LEPR: variants seen among roughly 807,000 people sequenced by gnomAD.
The protein encoded by LEPR is OB receptor.
LEPR carries 56 observed loss-of-function variants against 114.7 expected under a neutral mutation model. The observed-to-expected ratio is 0.49, with a 90% CI of 0.39 to 0.61. The LOEUF is 0.61. Ranked by LOEUF, LEPR falls within the 20% of genes least tolerant of loss-of-function variation. The pLI is 0.00. For synonymous variants in LEPR, 443 were observed against 461.4 expected, an observed-to-expected ratio of 0.96 and a Z score of 0.51; for missense variants, 1,202 against 1,352.9, an observed-to-expected ratio of 0.89 and a Z score of 1.75.
chr1:65,548,064 T>G (rs1403024072), intron 2 of LEPR, among the ~76,000 whole-genome samples: 1 of 152,102 alleles, frequency 6.6e-6, no homozygotes, highest in Non-Finnish European at 1.5e-5. Flanking sequence ...TTTCGTTATG[T>G]ACCCAGTAGT....
intron 2 of LEPR, among the ~76,000 whole-genome samples, chr1:65,491,436 A>G (rs773632351): frequency 5.9e-5 from 9 of 152,096 alleles, no homozygotes; most frequent in Non-Finnish European, 2.9e-5. Flanking sequence ...CTGAACAAGA[A>G]ATGAGATTTC....
intron 19 of LEPR, chr1:65,630,422 AG>A (rs144928941): frequency 0.21 from 29,959 of 142,638 alleles, 4,448 homozygotes; most frequent in East Asian, 0.78. Context: ...AAAAAAAAAA[AG>A]AAAGAAAAAA....
At position 65,570,539 on chromosome 1, in the gene LEPR, C is replaced by A. The variant is rs772735713; in HGVS notation, c.107C>A (p.Ser36Tyr). Residue 36 changes from serine to tyrosine, a missense_variant, in exon 4 of 20, where the codon TCT (serine) becomes TAT (tyrosine). Coordinates refer to ENST00000349533, the MANE Select transcript of LEPR (RefSeq NM_002303.6). ...YPITPWRFKL[S>Y]CMPPNSTYDY... ...ATTACTCCTTGGAGATTTAAGTTGT[C>A]TTGCATGCCACCAAATTCAACCTAT... 1.9e-6 allele frequency: 3 copies of A among 1,613,936 alleles called. No individual in the cohort carries two copies. Among genetic ancestry groups the A allele is most frequent in the Non-Finnish European group, 2.5e-6 (3 of 1,179,936 alleles).
At chr1:65,432,673 A>ATTGG in intron 2 of LEPR, 1 of 981,018 alleles carries the variant, frequency 1.0e-6, no homozygotes, top group Non-Finnish European at 1.2e-6. Flanking sequence ...TGTTCTCAGA[A>ATTGG]TTGGGAGACA....
chr1:65,620,508 C>CA (rs1381296560), intron 17 of LEPR, among the ~76,000 whole-genome samples: 11 of 151,844 alleles, frequency 7.2e-5, no homozygotes, highest in African/African-American at 9.7e-5. Flanking sequence ...GAGTGATGGG[C>CA]AAAAAATAAT....
At chr1:65,552,000 A>G (rs1652414145) in intron 2 of LEPR, among the ~76,000 whole-genome samples, 1 of 152,144 alleles carries the variant, frequency 6.6e-6, no homozygotes, top group Non-Finnish European at 1.5e-5. Context: ...TTCAGTTTCC[A>G]TGCAGTTGTG....
intron 5 of LEPR, 130 bp downstream of exon 5, chr1:65,572,579 G>C: frequency 1.0e-6 from 1 of 978,938 alleles, no homozygotes; most frequent in Non-Finnish European, 1.5e-6. Flanking sequence ...TTTTAATATA[G>C]CATTCTGCTC....
chr1:65,637,166 A>T lies in LEPR; in HGVS notation c.*151A>T, dbSNP rs1356379719. On this transcript the variant is annotated 3_prime_UTR_variant, in exon 20 of 20. Coordinates refer to ENST00000349533, the MANE Select transcript of LEPR (RefSeq NM_002303.6). Reference sequence around the variant, plus strand: ...GTTGTCTGTTTGTTCTCTCTTAGTAACATAGACAAAAAATTTGAGAAAGCC... The same window carrying T: ...GTTGTCTGTTTGTTCTCTCTTAGTATCATAGACAAAAAATTTGAGAAAGCC... 2.3e-6 allele frequency: 2 copies of T among 872,090 alleles called. No homozygotes were observed. Among genetic ancestry groups the T allele is most frequent in the African/African-American group, 3.4e-5 (2 of 58,732 alleles). The allele number at this position is 872,090 out of a possible 1,614,324, so 54.0% of individuals were successfully genotyped here.
chr1:65,474,774 G>A (rs543325772), intron 2 of LEPR, among the ~76,000 whole-genome samples: 3 of 152,166 alleles, frequency 2.0e-5, no homozygotes, highest in South Asian at 2.1e-4. Flanking sequence ...TTGGGAGGCC[G>A]AGGCGGGCAG....
chr1:65,593,462 A>G (rs1298731722), intron 6 of LEPR, among the ~76,000 whole-genome samples: 2 of 152,148 alleles, frequency 1.3e-5, no homozygotes, highest in Non-Finnish European at 2.9e-5. Context: ...TACAAATGTG[A>G]ATAATACAGG....
At position 65,637,046 on chromosome 1, in the gene LEPR, A is replaced by T. The variant is rs370044288; in HGVS notation, c.*31A>T. On this transcript the variant is annotated 3_prime_UTR_variant, in exon 20 of 20. Transcript: ENST00000349533. ...CTGAAGAAACCTTCAGATTTGTGTT[A>T]TAATGGGTAATATAAAGTGTAATAG... 6.4e-5 allele frequency: 103 copies of T among 1,599,178 alleles called. 1 individual carries two copies. The African/African-American group carries it at 1.2e-3, about 18-fold the overall frequency.
intron 11 of LEPR, among the ~76,000 whole-genome samples, chr1:65,607,725 A>G (rs1183539145): frequency 1.3e-5 from 2 of 152,158 alleles, no homozygotes; most frequent in African/African-American, 4.8e-5. Flanking sequence ...AATATGCCAC[A>G]TTTCCATATT....
intron 2 of LEPR, chr1:65,429,936 C>T (rs1244938468): frequency 1.3e-6 from 2 of 1,568,556 alleles, no homozygotes; most frequent in South Asian, 1.2e-5. Context: ...AAAAGAGTCA[C>T]CTATGACTCA....
intron 2 of LEPR, chr1:65,434,006 A>T (rs950804262): frequency 2.0e-6 from 2 of 985,198 alleles, no homozygotes; most frequent in Non-Finnish European, 2.4e-6. Flanking sequence ...ATAATGATTC[A>T]TTTCTACTAC....
At chr1:65,423,520 G>A (rs1003373207) in intron 1 of LEPR, among the ~76,000 whole-genome samples, 1 of 152,174 alleles carries the variant, frequency 6.6e-6, no homozygotes, top group Admixed American at 6.5e-5. Context: ...GCACAGAGGA[G>A]AGGAGCAAAG....
intron 2 of LEPR, among the ~76,000 whole-genome samples, chr1:65,539,462 G>A (rs1434673998): frequency 6.6e-6 from 1 of 152,124 alleles, no homozygotes; most frequent in African/African-American, 2.4e-5. Context: ...TTCATGTTAG[G>A]CACTCAATCA....
intron 2 of LEPR, among the ~76,000 whole-genome samples, chr1:65,440,923 A>T (rs182555934): frequency 6.6e-6 from 1 of 152,380 alleles, no homozygotes; most frequent in East Asian, 1.9e-4. Context: ...TTGAAAGAGG[A>T]GAACAACAAA....
rs1204099661 is a variant in LEPR at position 65,605,233 on chromosome 1, T to C, written c.1599T>C (p.Ser533=). The change falls in exon 11 of 20, where the codon TCT becomes TCC. Residue 533 remains serine, a synonymous_variant. Coordinates refer to ENST00000349533, the MANE Select transcript of LEPR (RefSeq NM_002303.6). The part of the protein sequence containing the change: ...DSPPTCVLPD[S]VVKPLPPSSV... Reference sequence around the variant, plus strand: ...CACCAACATGTGTCCTTCCTGATTCTGTGGGTATGTCAAGCTGCGTTGTGT... The same window carrying C: ...CACCAACATGTGTCCTTCCTGATTCCGTGGGTATGTCAAGCTGCGTTGTGT... 3 of 1,614,010 alleles carry C rather than the reference T, an allele frequency of 1.9e-6. No individual in the cohort carries two copies. The highest frequency in any genetic ancestry group is 1.7e-5 in the Admixed American group (1 of 60,004).
At chr1:65,554,219 G>A (rs1390356089) in intron 2 of LEPR, among the ~76,000 whole-genome samples, 17 of 152,182 alleles carry the variant, frequency 1.1e-4, no homozygotes, top group Non-Finnish European at 4.4e-5. Flanking sequence ...CTGTCCTTTA[G>A]TAAAGCTGAA....
Sources: allele counts gnomAD v4.1 joint callset (sites outside exome capture counted in the v4.1 genomes callset), GRCh38; gene constraint gnomAD v4.1.1; transcripts MANE v1.5; gene names NCBI Gene and HGNC (gene_info 2026-07-23, HGNC 2026-07-21).